SH3GL2: variants seen among roughly 807,000 people sequenced by gnomAD.
SH3GL2 encodes endophilin-A1.
In SH3GL2, 24 loss-of-function variants were observed where a neutral mutation model predicts 46.0. The ratio of observed to expected loss-of-function variants is 0.52; its 90% confidence interval spans 0.38 to 0.73. The LOEUF is 0.73. SH3GL2 is among the 30% of genes least tolerant of loss of function. The pLI is 0.00. For synonymous variants in SH3GL2, 196 were observed against 147.1 expected, an observed-to-expected ratio of 1.33 and a Z score of -2.40; for missense variants, 413 against 424.2, an observed-to-expected ratio of 0.97 and a Z score of 0.23.
intron 1 of SH3GL2, among the ~76,000 whole-genome samples, chr9:17,669,416 C>T (rs946152094): frequency 1.4e-4 from 22 of 152,160 alleles, no homozygotes; most frequent in African/African-American, 4.8e-4. Flanking sequence ...CTTTTATAAC[C>T]GTACCCACTT....
chr9:17,716,760 C>T (rs549824133), intron 1 of SH3GL2, among the ~76,000 whole-genome samples: 1 of 152,224 alleles, frequency 6.6e-6, no homozygotes, highest in East Asian at 1.9e-4. Context: ...TCTGATCTCT[C>T]TTCACTCCAT....
chr9:17,641,113 T>A (rs1266386693), intron 1 of SH3GL2, among the ~76,000 whole-genome samples: 1 of 152,188 alleles, frequency 6.6e-6, no homozygotes, highest in African/African-American at 2.4e-5. Context: ...AAAGGAGCCT[T>A]TTTTGGGGTG....
At chr9:17,642,456 G>A (rs1001235337) in intron 1 of SH3GL2, among the ~76,000 whole-genome samples, 1 of 152,132 alleles carries the variant, frequency 6.6e-6, no homozygotes, top group South Asian at 2.1e-4. Flanking sequence ...GTATTACCTA[G>A]GTTTTCTTCT....
At chr9:17,636,741 C>G (rs7040212) in intron 1 of SH3GL2, among the ~76,000 whole-genome samples, 2 of 152,086 alleles carry the variant, frequency 1.3e-5, no homozygotes, top group African/African-American at 4.8e-5. Context: ...AATCTTGTTA[C>G]TCTTGTGTCC....
intron 1 of SH3GL2, chr9:17,735,648 G>A: frequency 3.7e-6 from 1 of 273,876 alleles, no homozygotes; most frequent in Non-Finnish European, 5.6e-6. Flanking sequence ...ATAAGATTTT[G>A]GTAGACACAG....
intron 1 of SH3GL2, among the ~76,000 whole-genome samples, chr9:17,691,247 T>G (rs1019741569): frequency 3.9e-5 from 6 of 152,172 alleles, no homozygotes; most frequent in Non-Finnish European, 8.8e-5. Context: ...TCCAGTTTTC[T>G]TCTTTCTCTT....
chr9:17,606,773 C>T (rs1818768136), intron 1 of SH3GL2, among the ~76,000 whole-genome samples: 1 of 152,130 alleles, frequency 6.6e-6, no homozygotes, highest in Non-Finnish European at 1.5e-5. Flanking sequence ...TGTTCCATAT[C>T]CTGCAGTGCT....
chr9:17,667,186 T>A (rs1820365032), intron 1 of SH3GL2, among the ~76,000 whole-genome samples: 1 of 152,204 alleles, frequency 6.6e-6, no homozygotes, highest in Admixed American at 6.5e-5. Flanking sequence ...TTTTTCTAGC[T>A]TGTCGTGTAT....
At chr9:17,627,897 C>T (rs775011559) in intron 1 of SH3GL2, among the ~76,000 whole-genome samples, 3 of 152,180 alleles carry the variant, frequency 2.0e-5, no homozygotes, top group Non-Finnish European at 4.4e-5. Flanking sequence ...TCTGGGAAGA[C>T]TTGGCTTTAG....
intron 1 of SH3GL2, among the ~76,000 whole-genome samples, chr9:17,614,323 A>AAAAAAAAAAAT (rs1818938821): frequency 6.8e-6 from 1 of 146,852 alleles, no homozygotes; most frequent in Non-Finnish European, 1.5e-5. Context: ...AAAAAAAAAA[A>AAAAAAAAAAAT]TCCTTGCCCC....
intron 1 of SH3GL2, among the ~76,000 whole-genome samples, chr9:17,693,343 C>T (rs1173847085): frequency 6.6e-6 from 1 of 152,100 alleles, no homozygotes; most frequent in African/African-American, 2.4e-5. Context: ...ATTTAGGAGG[C>T]TTAATGGATG....
At chr9:17,735,962 T>C (rs1822322372) in intron 1 of SH3GL2, among the ~76,000 whole-genome samples, 1 of 152,106 alleles carries the variant, frequency 6.6e-6, no homozygotes, top group Non-Finnish European at 1.5e-5. Context: ...GCCAGGAATT[T>C]GTGTGATAGG....
intron 1 of SH3GL2, among the ~76,000 whole-genome samples, chr9:17,583,309 C>G (rs1394760357): frequency 6.6e-6 from 1 of 152,094 alleles, no homozygotes; most frequent in Non-Finnish European, 1.5e-5. Context: ...AGCTTGACTG[C>G]CAATGTGACA....
At chr9:17,731,932 A>G (rs754595336) in intron 1 of SH3GL2, among the ~76,000 whole-genome samples, 72 of 152,100 alleles carry the variant, frequency 4.7e-4, no homozygotes, top group Admixed American at 7.2e-4. Context: ...TTCAGTGACT[A>G]TTTTTAAATG....
intron 1 of SH3GL2, among the ~76,000 whole-genome samples, chr9:17,596,245 T>C (rs912927522): frequency 6.6e-6 from 1 of 152,234 alleles, no homozygotes; most frequent in Non-Finnish European, 1.5e-5. Context: ...TTCTTCTGAA[T>C]GCATGGCTAC....
At chr9:17,579,924 C>T (rs1475234156) in intron 1 of SH3GL2, among the ~76,000 whole-genome samples, 2 of 152,168 alleles carry the variant, frequency 1.3e-5, no homozygotes, top group African/African-American at 4.8e-5. Flanking sequence ...AAACAGTCTG[C>T]GGGTCTTAAA....
intron 1 of SH3GL2, among the ~76,000 whole-genome samples, chr9:17,673,700 AACTGCTTTTAGTTCCCTGAAACC>A: frequency 6.6e-6 from 1 of 152,232 alleles, no homozygotes; most frequent in South Asian, 2.1e-4. Context: ...AGCAATTCAG[AACTGCTTTTAGTTCCCTGAAACC>A]ACCATAATGC....
At chr9:17,658,258 C>T (rs908256535) in intron 1 of SH3GL2, among the ~76,000 whole-genome samples, 1 of 152,148 alleles carries the variant, frequency 6.6e-6, no homozygotes, top group Non-Finnish European at 1.5e-5. Flanking sequence ...AGATGGGTAC[C>T]TACTATTTCA....
chr9:17,604,353 G>T (rs1818722394), intron 1 of SH3GL2, among the ~76,000 whole-genome samples: 1 of 152,320 alleles, frequency 6.6e-6, no homozygotes, highest in African/African-American at 2.4e-5. Context: ...AATAATGTCA[G>T]TATCCTATGA....
Sources: allele counts gnomAD v4.1 joint callset (sites outside exome capture counted in the v4.1 genomes callset), GRCh38; gene constraint gnomAD v4.1.1; transcripts MANE v1.5; gene names NCBI Gene and HGNC (gene_info 2026-07-23, HGNC 2026-07-21).